The following TRDN variants were observed in gnomAD, a reference collection of about 807,000 sequenced individuals.
The protein encoded by TRDN is triadin.
In TRDN, 161 loss-of-function variants were observed where a neutral mutation model predicts 149.7. The observed-to-expected ratio is 1.08, with a 90% CI of 0.95 to 1.23. TRDN has a LOEUF of 1.23. Among genes scored for constraint, TRDN ranks in the 50% most tolerant of loss-of-function variants. The pLI is 0.00. For missense variants in TRDN, 896 were observed against 823.5 expected (o/e 1.09, Z -1.08); for synonymous variants, 294 against 250.5 (o/e 1.17, Z -1.64).
At chr6:123,281,927 C>G (rs1193147823) in intron 24 of TRDN, among the ~76,000 whole-genome samples, 10 of 151,986 alleles carry the variant, frequency 6.6e-5, no homozygotes, top group Non-Finnish European at 1.5e-4. Flanking sequence ...ATGTGGAAGT[C>G]CAGACGCCCA....
At chr6:123,243,467 A>G (rs903655413) in intron 38 of TRDN, among the ~76,000 whole-genome samples, 1 of 152,206 alleles carries the variant, frequency 6.6e-6, no homozygotes, top group East Asian at 1.9e-4. Flanking sequence ...AAAAACAATC[A>G]AAATACTGAT....
chr6:123,543,591 C>T (rs1432682757), intron 4 of TRDN, among the ~76,000 whole-genome samples: 4 of 151,966 alleles, frequency 2.6e-5, no homozygotes, highest in African/African-American at 9.7e-5. Flanking sequence ...CAATTTTTTC[C>T]CTTTTATATT....
chr6:123,371,910 T>A (rs902075252), intron 19 of TRDN, among the ~76,000 whole-genome samples: 3 of 152,146 alleles, frequency 2.0e-5, no homozygotes, highest in Admixed American at 1.3e-4. Context: ...CAGCACCAGC[T>A]GTGATACTAT....
At chr6:123,434,519 A>C (rs12209641) in intron 12 of TRDN, among the ~76,000 whole-genome samples, 4 of 152,146 alleles carry the variant, frequency 2.6e-5, no homozygotes, top group African/African-American at 9.7e-5. Context: ...CTGATGCTTA[A>C]TAATCCAAAT....
chr6:123,443,498 A>C (rs1157559229), intron 10 of TRDN, among the ~76,000 whole-genome samples: 1 of 152,098 alleles, frequency 6.6e-6, no homozygotes, highest in Admixed American at 6.6e-5. Flanking sequence ...AAATTCAAAG[A>C]AGAGCCAGGC....
At chr6:123,596,939 CT>C (rs1478684570) in intron 1 of TRDN, among the ~76,000 whole-genome samples, 1 of 152,020 alleles carries the variant, frequency 6.6e-6, no homozygotes, top group Non-Finnish European at 1.5e-5. Flanking sequence ...TTGATGCCCC[CT>C]AACACAAAAA....
chr6:123,271,565 G>T (rs1319531645), intron 29 of TRDN, among the ~76,000 whole-genome samples: 1 of 152,018 alleles, frequency 6.6e-6, no homozygotes, highest in South Asian at 2.1e-4. Flanking sequence ...TTATCTTCTT[G>T]TACTGATACC....
At chr6:123,572,943 C>T (rs527298076) in intron 1 of TRDN, among the ~76,000 whole-genome samples, 1 of 152,146 alleles carries the variant, frequency 6.6e-6, no homozygotes, top group African/African-American at 2.4e-5. Flanking sequence ...GAAAGAGTAG[C>T]TGTAGTTTCT....
chr6:123,526,548 A>G (rs1779961175), intron 5 of TRDN, among the ~76,000 whole-genome samples: 1 of 152,128 alleles, frequency 6.6e-6, no homozygotes, highest in South Asian at 2.1e-4. Flanking sequence ...ACTTGACACA[A>G]TGATTGAATC....
intron 14 of TRDN, among the ~76,000 whole-genome samples, chr6:123,387,591 T>C (rs1304290067): frequency 6.6e-6 from 1 of 152,132 alleles, no homozygotes; most frequent in African/African-American, 2.4e-5. Flanking sequence ...GAAAACTTCC[T>C]ATCATTTATA....
intron 9 of TRDN, among the ~76,000 whole-genome samples, chr6:123,472,525 A>T (rs1003423469): frequency 1.3e-5 from 2 of 152,222 alleles, no homozygotes; most frequent in African/African-American, 4.8e-5. Context: ...GCCATTGCCC[A>T]GGCTTTCTTA....
At chr6:123,616,557 A>G (rs1200489283) in intron 1 of TRDN, among the ~76,000 whole-genome samples, 2 of 152,110 alleles carry the variant, frequency 1.3e-5, no homozygotes, top group Non-Finnish European at 2.9e-5. Flanking sequence ...ATACTGTGTA[A>G]ATGCTGTATA....
At chr6:123,404,665 G>A (rs188999824) in intron 12 of TRDN, among the ~76,000 whole-genome samples, 3 of 151,870 alleles carry the variant, frequency 2.0e-5, no homozygotes, top group Non-Finnish European at 2.9e-5. Context: ...GGTTTGTTTC[G>A]AACTCTTGAC....
At position 123,503,842 on chromosome 6, in the gene TRDN, C is replaced by T; in HGVS notation, c.670G>A (p.Gly224Ser). The change falls in exon 8 of 41, where the codon GGT becomes AGT. Residue 224 changes from glycine (G) to serine (S), a missense_variant. Gly to Ser is a moderately conservative substitution (Grantham distance 56). Transcript: ENST00000334268. Reference protein sequence around the residue: ...SEEKTKKEVKGGKQEKVKQTA... With the variant: ...SEEKTKKEVKSGKQEKVKQTA... ...TGCTTCACTTTCTCCTGTTTTCCAC[C>T]TTTCACTTCCTTTTTAGTCTTTTCT... 1.9e-6 allele frequency: 3 copies of T among 1,597,980 alleles called. No homozygotes were observed. Among genetic ancestry groups the T allele is most frequent in the Non-Finnish European group, 2.6e-6 (3 of 1,170,990 alleles).
chr6:123,220,639 C>T (rs1775113147), intron 40 of TRDN, among the ~76,000 whole-genome samples: 1 of 151,722 alleles, frequency 6.6e-6, no homozygotes, highest in African/African-American at 2.4e-5. Context: ...AGTAGGCATT[C>T]AGTATCTGTC....
At chr6:123,401,135 C>G (rs1186126876) in intron 12 of TRDN, among the ~76,000 whole-genome samples, 1 of 152,190 alleles carries the variant, frequency 6.6e-6, no homozygotes, top group African/African-American at 2.4e-5. Context: ...ATTACGCAGA[C>G]TTCTTGAGCC....
chr6:123,367,832 A>G (rs1781172799), intron 19 of TRDN, among the ~76,000 whole-genome samples: 1 of 152,000 alleles, frequency 6.6e-6, no homozygotes, highest in Non-Finnish European at 1.5e-5. Context: ...CTGATAACCA[A>G]ATTTCCCCTA....
chr6:123,604,242 C>T (rs1784414785), intron 1 of TRDN, among the ~76,000 whole-genome samples: 1 of 152,180 alleles, frequency 6.6e-6, no homozygotes, highest in Non-Finnish European at 1.5e-5. Flanking sequence ...GCACAGGCTG[C>T]TGTGGGAACA....
intron 12 of TRDN, among the ~76,000 whole-genome samples, chr6:123,396,027 A>C (rs1772711213): frequency 6.6e-6 from 1 of 152,198 alleles, no homozygotes; most frequent in South Asian, 2.1e-4. Flanking sequence ...TTGAGGACAC[A>C]TGCAAAGAAG....
Sources: allele counts gnomAD v4.1 joint callset (sites outside exome capture counted in the v4.1 genomes callset), GRCh38; gene constraint gnomAD v4.1.1; transcripts MANE v1.5; gene names NCBI Gene and HGNC (gene_info 2026-07-23, HGNC 2026-07-21).